PDE1C: variants seen among roughly 807,000 people sequenced by gnomAD.
PDE1C encodes the protein phosphodiesterase 1C, also known as dual specificity calcium/calmodulin-dependent 3',5'-cyclic nucleotide phosphodiesterase 1C.
Under a neutral mutation model 93.1 loss-of-function variants are expected in PDE1C, and 62 were observed. The ratio of observed to expected loss-of-function variants is 0.67; its 90% CI spans 0.54 to 0.82. The LOEUF (loss-of-function observed/expected upper bound fraction) is 0.82. Among genes scored for constraint, PDE1C ranks in the 40% least tolerant of loss-of-function variants. The pLI is 0.00. For missense variants in PDE1C, 742 were observed against 884.6 expected (o/e 0.84, Z 2.04); for synonymous variants, 325 against 310.1 (o/e 1.05, Z -0.50).
At chr7:31,728,579 C>T in the PDE1C span, among the ~76,000 whole-genome samples, 1 of 152,216 alleles carries the variant, frequency 6.6e-6, no homozygotes, top group Admixed American at 6.5e-5. Context: ...TTTATTCCCT[C>T]ATTCCTCAGG....
chr7:31,972,044 T>G (rs1160499313), intron 2 of PDE1C, among the ~76,000 whole-genome samples: 2 of 152,174 alleles, frequency 1.3e-5, no homozygotes, highest in Non-Finnish European at 2.9e-5. Context: ...GCTTCTTGCC[T>G]AACCCTGGCT....
chr7:32,222,575 G>C (rs1263084033), intron 1 of PDE1C, among the ~76,000 whole-genome samples: 1 of 152,216 alleles, frequency 6.6e-6, no homozygotes, highest in African/African-American at 2.4e-5. Context: ...TTCTAAGCCA[G>C]TTGGAAGTTG....
At chr7:32,184,770 A>G (rs1202589432) in intron 2 of PDE1C, among the ~76,000 whole-genome samples, 1 of 152,182 alleles carries the variant, frequency 6.6e-6, no homozygotes, top group Non-Finnish European at 1.5e-5. Flanking sequence ...CGTTGTGCAC[A>G]TGTACCCTAA....
intron 16 of PDE1C, among the ~76,000 whole-genome samples, chr7:31,800,068 T>C (rs1785805449): frequency 6.6e-6 from 1 of 151,742 alleles, no homozygotes; most frequent in African/African-American, 2.4e-5. Context: ...GCTAGTTGTA[T>C]ATCTTCTCTA....
chr7:32,336,529 T>C (rs73314465), intron 1 of PDE1C, among the ~76,000 whole-genome samples: 1,539 of 152,316 alleles, frequency 0.01, 26 homozygotes, highest in African/African-American at 0.035. Flanking sequence ...GGAATTATCA[T>C]GTGGGCTCAA....
At chr7:31,925,711 G>A (rs763566852) in intron 2 of PDE1C, among the ~76,000 whole-genome samples, 1 of 152,116 alleles carries the variant, frequency 6.6e-6, no homozygotes, top group African/African-American at 2.4e-5. Flanking sequence ...AAAATAAAAT[G>A]TCTAAGTCAT....
chr7:32,207,478 A>G (rs1399127492), intron 2 of PDE1C, among the ~76,000 whole-genome samples: 1 of 152,204 alleles, frequency 6.6e-6, no homozygotes, highest in Non-Finnish European at 1.5e-5. Flanking sequence ...TCAATCGGAC[A>G]TTGCTACATT....
intron 2 of PDE1C, among the ~76,000 whole-genome samples, chr7:32,004,000 C>T (rs1785823415): frequency 6.6e-6 from 1 of 151,814 alleles, no homozygotes; most frequent in Non-Finnish European, 1.5e-5. Flanking sequence ...TGAAGACTTC[C>T]CACTGTATGG....
At chr7:31,900,647 A>G (rs1799857613) in intron 2 of PDE1C, among the ~76,000 whole-genome samples, 1 of 151,864 alleles carries the variant, frequency 6.6e-6, no homozygotes, top group Admixed American at 6.6e-5. Flanking sequence ...GTAATTTTAT[A>G]CATATTCATA....
chr7:32,334,922 C>G (rs1490652280), intron 1 of PDE1C, among the ~76,000 whole-genome samples: 1 of 152,040 alleles, frequency 6.6e-6, no homozygotes, highest in Non-Finnish European at 1.5e-5. Context: ...ATATATACTA[C>G]TTTAATAATA....
At chr7:32,376,188 C>A (rs1290783800) in intron 1 of PDE1C, among the ~76,000 whole-genome samples, 2 of 151,750 alleles carry the variant, frequency 1.3e-5, no homozygotes, top group Non-Finnish European at 2.9e-5. Flanking sequence ...AAGAAAAATT[C>A]ACAACCAATC....
At chr7:31,824,814 T>C (rs1789456548) in intron 13 of PDE1C, 53 bp downstream of exon 13, 1 of 1,594,058 alleles carries the variant, frequency 6.3e-7, no homozygotes. Context: ...AGAAGAATTC[T>C]ATCCTCAAGG....
rs1295288103 is a variant in PDE1C, at chr7:32,403,885, GTTC to G, written c.310+23934_310+23936del. ...AAATATAGAAGATATCTTTTTTCCAGTTCTTCTTTTTTCTTTTTTATTTCAAGG... is the reference window on the plus strand; with the variant it reads ...AAATATAGAAGATATCTTTTTTCCAGTTCTTTTTTCTTTTTTATTTCAAGG... On this transcript the variant is annotated intron_variant, in intron 1 of 1. Transcript: ENST00000672256. Among the ~76,000 whole-genome samples, 6 of 152,224 alleles carry G rather than the reference GTTC, an allele frequency of 3.9e-5. No homozygotes were observed. In the South Asian group the frequency reaches 6.2e-4, roughly 16 times the overall value.
intron 1 of PDE1C, among the ~76,000 whole-genome samples, chr7:32,271,676 C>T (rs1036777428): frequency 3.3e-5 from 5 of 152,174 alleles, no homozygotes; most frequent in African/African-American, 1.2e-4. Context: ...AGTTCACACA[C>T]CTGTTACAGG....
chr7:32,331,493 A>G (rs775611514), intron 1 of PDE1C, among the ~76,000 whole-genome samples: 3 of 152,226 alleles, frequency 2.0e-5, no homozygotes, highest in Non-Finnish European at 2.9e-5. Context: ...GGGAGAATCA[A>G]GAACTTTGAG....
rs923331557 is a variant in PDE1C at position 31,988,136 on chromosome 7, C to T, written c.128+63418G>A. Among the ~76,000 whole-genome samples the T allele has an allele frequency of 4.1e-4, 63 of 152,294 alleles. No homozygotes were observed. In the South Asian group the frequency reaches 5.2e-3, roughly 13 times the overall value. ...GCAATATCTTGCCTCCAGCCCTGCC[C>T]GTCCCACTGTGGCTTCACCCTCTGC... is the stretch of plus-strand genomic sequence containing the variant. On this transcript the variant is annotated intron_variant, in intron 2 of 17. Transcript: ENST00000396191.
intron 3 of PDE1C, among the ~76,000 whole-genome samples, chr7:32,079,211 G>A (rs1411575170): frequency 6.6e-6 from 1 of 152,118 alleles, no homozygotes; most frequent in Non-Finnish European, 1.5e-5. Context: ...TGCCTACTAT[G>A]TGCTGCACAC....
chr7:32,359,792 C>A (rs757825364), intron 1 of PDE1C, among the ~76,000 whole-genome samples: 19 of 152,188 alleles, frequency 1.2e-4, no homozygotes, highest in Non-Finnish European at 2.5e-4. Context: ...GTTCCATTCT[C>A]ATGGAAGAGC....
chr7:31,912,526 A>G (rs563177533), intron 2 of PDE1C, among the ~76,000 whole-genome samples: 1 of 152,102 alleles, frequency 6.6e-6, no homozygotes, highest in African/African-American at 2.4e-5. Flanking sequence ...CCTATAGAAA[A>G]AATACAAAAA....
Sources: allele counts gnomAD v4.1 joint callset (sites outside exome capture counted in the v4.1 genomes callset), GRCh38; gene constraint gnomAD v4.1.1; transcripts MANE v1.5; gene names NCBI Gene and HGNC (gene_info 2026-07-23, HGNC 2026-07-21).